The following CAMK1D variants were observed in gnomAD, a reference collection of about 807,000 sequenced individuals.
CAMK1D encodes calcium/calmodulin dependent protein kinase ID, also known as calcium/calmodulin-dependent protein kinase type 1D.
In CAMK1D, 9 loss-of-function variants were observed where a neutral mutation model predicts 47.7. The observed-to-expected ratio is 0.19, with a 90% CI of 0.11 to 0.33. The LOEUF is 0.33. Ranked by LOEUF, CAMK1D falls within the 10% of genes least tolerant of loss-of-function variation. CAMK1D has a pLI of 1.00. For missense variants in CAMK1D, 291 were observed against 488.7 expected, an observed-to-expected ratio of 0.60 and a Z score of 3.81; for synonymous variants, 184 against 184.9, an observed-to-expected ratio of 0.99 and a Z score of 0.04.
intron 1 of CAMK1D, among the ~76,000 whole-genome samples, chr10:12,438,305 A>T (rs1195055050): frequency 6.6e-6 from 1 of 152,122 alleles, no homozygotes; most frequent in Non-Finnish European, 1.5e-5. Context: ...TTGGAGAAGG[A>T]CCACATGTTA....
chr10:12,404,419 A>G (rs1839339011), intron 1 of CAMK1D, among the ~76,000 whole-genome samples: 1 of 152,210 alleles, frequency 6.6e-6, no homozygotes, highest in Non-Finnish European at 1.5e-5. Flanking sequence ...TTTTCTTAGT[A>G]TCTTCAGAGA....
rs377049086 is a variant in CAMK1D at position 12,616,414 on chromosome 10, T to C, written c.225-50322T>C. Among the ~76,000 whole-genome samples, 25 of 152,334 alleles carry C rather than the reference T, an allele frequency of 1.6e-4. No homozygotes were observed. In the East Asian group the frequency reaches 3.3e-3, roughly 20 times the overall value. Reference sequence around the variant, plus strand: ...TTACATGAACTAGCGCATTAAATCCTCGAATCAACCTCTTAAGTAGCTACT... The same window carrying C: ...TTACATGAACTAGCGCATTAAATCCCCGAATCAACCTCTTAAGTAGCTACT... On this transcript the variant is annotated intron_variant, in intron 2 of 10. Transcript: ENST00000619168.
chr10:12,458,503 A>G lies in CAMK1D; in HGVS notation c.93-94722A>G, dbSNP rs142968534. 2.5e-3 allele frequency among the ~76,000 whole-genome samples: 375 copies of G among 151,790 alleles called. 2 individuals carry two copies. The highest frequency in any genetic ancestry group is 8.7e-3 in the African/African-American group (358 of 41,370). ...ACGATCATAGCTCACCACAGCCTCT[A>G]CCTCCTGGCCTCAAGTGATCCTCCC... On this transcript the variant is annotated intron_variant, in intron 1 of 10. Coordinates refer to ENST00000619168, the MANE Select transcript of CAMK1D (RefSeq NM_153498.4).
At chr10:12,808,040 G>A (rs1336020439) in intron 6 of CAMK1D, among the ~76,000 whole-genome samples, 1 of 152,206 alleles carries the variant, frequency 6.6e-6, no homozygotes, top group African/African-American at 2.4e-5. Flanking sequence ...GCAGCAGCAA[G>A]CTGCTCTTCC....
chr10:12,541,882 CCTT>C (rs1836201074), intron 1 of CAMK1D, among the ~76,000 whole-genome samples: 6 of 138,372 alleles, frequency 4.3e-5, no homozygotes, highest in Admixed American at 4.3e-4. Context: ...TTCCTTCCTT[CCTT>C]CCTTTTTTTT....
intron 1 of CAMK1D, among the ~76,000 whole-genome samples, chr10:12,442,491 A>C (rs1395978626): frequency 6.6e-6 from 1 of 152,210 alleles, no homozygotes; most frequent in African/African-American, 2.4e-5. Flanking sequence ...AAAAACAAGC[A>C]AACAAAAAAA....
At chr10:12,745,066 C>T (rs7894890) in intron 3 of CAMK1D, among the ~76,000 whole-genome samples, 38,027 of 152,188 alleles carry the variant, frequency 0.25, 5,351 homozygotes, top group African/African-American at 0.39. Context: ...ACAGTCTCGC[C>T]ATCGTCCAGG....
At chr10:12,419,452 A>T (rs1054003078) in intron 1 of CAMK1D, among the ~76,000 whole-genome samples, 10 of 152,132 alleles carry the variant, frequency 6.6e-5, no homozygotes, top group Non-Finnish European at 1.3e-4. Context: ...ACACGCGATA[A>T]CCAGAGCCAA....
At position 12,731,663 on chromosome 10, in the gene CAMK1D, A is replaced by AAGGGAGCAAG. The variant is rs1156249332; in HGVS notation, c.300-29272_300-29263dup. Among the ~76,000 whole-genome samples the AAGGGAGCAAG allele has an allele frequency of 2.0e-5, 3 of 152,310 alleles. No homozygotes were observed. In the South Asian group the frequency reaches 6.2e-4, roughly 32 times the overall value. On this transcript the variant is annotated intron_variant, in intron 3 of 10. Transcript: ENST00000619168. ...GCAGCAGTGATCAGCTGTGGAATCT[A>AAGGGAGCAAG]AGGGAGCAAGAGGGAGCAAGAGAGA...
chr10:12,549,954 C>G (rs114895257), intron 1 of CAMK1D, among the ~76,000 whole-genome samples: 1,683 of 152,336 alleles, frequency 0.011, 36 homozygotes, highest in African/African-American at 0.039. Context: ...AAATGCTTTT[C>G]TCTTACAGGC....
intron 1 of CAMK1D, among the ~76,000 whole-genome samples, chr10:12,370,848 T>A (rs565707542): frequency 6.6e-6 from 1 of 152,212 alleles, no homozygotes; most frequent in South Asian, 2.1e-4. Context: ...CGTCAGGTGA[T>A]CCACCCACCT....
chr10:12,584,677 G>A (rs565074563), intron 2 of CAMK1D, among the ~76,000 whole-genome samples: 16 of 152,274 alleles, frequency 1.1e-4, no homozygotes, highest in South Asian at 6.2e-4. Flanking sequence ...GAAATTAGCC[G>A]GGCGTGGTGG....
At chr10:12,774,066 G>C (rs1017387209) in intron 5 of CAMK1D, among the ~76,000 whole-genome samples, 5 of 126,384 alleles carry the variant, frequency 4.0e-5, no homozygotes, top group Admixed American at 8.8e-5. Context: ...GCACTGGTGC[G>C]GGGGGAGGGG....
chr10:12,418,255 T>A (rs1370939131), intron 1 of CAMK1D, among the ~76,000 whole-genome samples: 2 of 152,172 alleles, frequency 1.3e-5, no homozygotes, highest in Admixed American at 1.3e-4. Context: ...AAACATATGA[T>A]TGCAACGCGG....
At chr10:12,451,691 ACT>A (rs1220211746) in intron 1 of CAMK1D, among the ~76,000 whole-genome samples, 2 of 152,198 alleles carry the variant, frequency 1.3e-5, no homozygotes, top group Admixed American at 1.3e-4. Context: ...TTTCTCTCAA[ACT>A]CTGAATATTT....
intron 1 of CAMK1D, among the ~76,000 whole-genome samples, chr10:12,545,215 A>G (rs1460823189): frequency 5.0e-4 from 2 of 4,028 alleles, no homozygotes; most frequent in African/African-American, 7.0e-4. Context: ...GTGAGAAGCA[A>G]TTGAGAAAAA....
At position 12,724,886 on chromosome 10, in the gene CAMK1D, A is replaced by G. The variant is rs140979904; in HGVS notation, c.300-36062A>G. 9.9e-3 allele frequency among the ~76,000 whole-genome samples: 1,327 copies of G among 133,914 alleles called. 10 individuals carry two copies. The highest frequency in any genetic ancestry group is 0.034 in the South Asian group (149 of 4,380). The allele number at this position is 133,914 out of a possible 152,430, so 87.9% of individuals were successfully genotyped here. On this transcript the variant is annotated intron_variant, in intron 3 of 10. Transcript: ENST00000619168. Reference sequence around the variant, plus strand: ...CAGAGCCAGACCCCATCTCTTAAAAAACCAAAAAAAAAAAAGTGATCTCTC... The same window carrying G: ...CAGAGCCAGACCCCATCTCTTAAAAGACCAAAAAAAAAAAAGTGATCTCTC...
intron 2 of CAMK1D, among the ~76,000 whole-genome samples, chr10:12,600,541 C>T (rs967178514): frequency 6.6e-6 from 1 of 152,166 alleles, no homozygotes; most frequent in African/African-American, 2.4e-5. Flanking sequence ...TTCACTTTTC[C>T]TTTTTAGCAA....
chr10:12,422,563 G>T (rs1840090698), intron 1 of CAMK1D, among the ~76,000 whole-genome samples: 1 of 152,162 alleles, frequency 6.6e-6, no homozygotes, highest in Admixed American at 6.5e-5. Flanking sequence ...GAGGCCTAGA[G>T]CTCTCCCCTC....
Sources: allele counts gnomAD v4.1 joint callset (sites outside exome capture counted in the v4.1 genomes callset), GRCh38; gene constraint gnomAD v4.1.1; transcripts MANE v1.5; gene names NCBI Gene and HGNC (gene_info 2026-07-23, HGNC 2026-07-21).